Variants in LANCL1 observed in about 807,000 individuals in gnomAD.
The protein encoded by LANCL1 is glutathione S-transferase LANCL1.
Under a neutral mutation model 50.6 loss-of-function variants are expected in LANCL1, and 50 were observed. That is an observed-to-expected ratio of 0.99 (90% confidence interval 0.79 to 1.25). The LOEUF is 1.25. Among genes scored for constraint, LANCL1 ranks in the 50% most tolerant of loss-of-function variants. The pLI is 0.00. For synonymous variants in LANCL1, 188 were observed against 178.6 expected, an observed-to-expected ratio of 1.05 and a Z score of -0.42; for missense variants, 532 against 480.7, an observed-to-expected ratio of 1.11 and a Z score of -1.00.
At chr2:210,436,566 T>A (rs1360720939) in intron 7 of LANCL1, among the ~76,000 whole-genome samples, 174 bp from the exon 8 acceptor site, 1 of 152,162 alleles carries the variant, frequency 6.6e-6, no homozygotes, top group Non-Finnish European at 1.5e-5. Context: ...ATCGACTAGT[T>A]TGGCTTTAAA....
chr2:210,433,287 T>C lies in LANCL1; in HGVS notation c.*1200A>G, dbSNP rs1692807751. ...ATCTACTACGGAAAACCTGATTCTGTGGTCTCAGAAACTGATGAATTGTTA... is the reference window on the plus strand; with the variant it reads ...ATCTACTACGGAAAACCTGATTCTGCGGTCTCAGAAACTGATGAATTGTTA... On this transcript the variant is annotated 3_prime_UTR_variant, in exon 10 of 10. Coordinates refer to ENST00000450366, the MANE Select transcript of LANCL1 (RefSeq NM_006055.3). The C allele has an allele frequency of 6.6e-6, 1 of 152,284 alleles. No homozygotes were observed. The highest frequency in any genetic ancestry group is 2.4e-5 in the African/African-American group (1 of 41,448). 9.4% of individuals were successfully genotyped at this position (152,284 alleles called of 1,614,324 possible).
chr2:210,455,488 G>A (rs1263413175), intron 3 of LANCL1, among the ~76,000 whole-genome samples, 174 bp from the exon 4 acceptor site: 6 of 152,072 alleles, frequency 3.9e-5, no homozygotes, highest in South Asian at 2.1e-4. Context: ...GCAACTCTAC[G>A]AACCAGCATA....
Sources: allele counts gnomAD v4.1 joint callset (sites outside exome capture counted in the v4.1 genomes callset), GRCh38; gene constraint gnomAD v4.1.1; transcripts MANE v1.5; gene names NCBI Gene and HGNC (gene_info 2026-07-23, HGNC 2026-07-21).